The following VEGFD variants were observed in gnomAD, a reference collection of about 807,000 sequenced individuals.
The protein encoded by VEGFD is c-fos induced growth factor (vascular endothelial growth factor D).
In VEGFD, 26 loss-of-function variants were observed where a neutral mutation model predicts 28.0. The ratio of observed to expected loss-of-function variants is 0.93; its 90% CI spans 0.68 to 1.29. The LOEUF (loss-of-function observed/expected upper bound fraction) is 1.29, where lower values mean the gene tolerates loss of function less well. Among genes scored for constraint, VEGFD ranks in the 50% most tolerant of loss-of-function variants. The pLI is 0.00. For synonymous variants in VEGFD, 93 were observed against 95.5 expected, an observed-to-expected ratio of 0.97 and a Z score of 0.15; for missense variants, 294 against 273.4, an observed-to-expected ratio of 1.08 and a Z score of -0.53.
intron 1 of VEGFD, among the ~76,000 whole-genome samples, chrX:15,377,716 A>T (rs1033839906): frequency 9.0e-6 from 1 of 111,599 alleles, no homozygotes; most frequent in Non-Finnish European, 1.9e-5. Context: ...AGGGGCTGCA[A>T]CTAGAAGTAA....
intron 1 of VEGFD, among the ~76,000 whole-genome samples, chrX:15,383,627 T>A (rs1162716062): frequency 8.9e-6 from 1 of 111,801 alleles, no homozygotes; most frequent in East Asian, 2.8e-4. Context: ...CTACCATAAC[T>A]TCAAAAAACA....
chrX:15,353,075 T>C lies in VEGFD; in HGVS notation c.735A>G (p.Gly245=), dbSNP rs1485472426. The C allele has an allele frequency of 8.6e-7, 1 of 1,160,215 alleles. No homozygotes were observed. The highest frequency in any genetic ancestry group is 2.2e-5 in the Admixed American group (1 of 44,608). The change falls in exon 5 of 7, where the codon GGA becomes GGG. Residue 245 remains glycine (G), a synonymous_variant. Transcript: ENST00000297904. ...CVLQEENPLA[G]TEDHSHLQEP... ...TACTACTACTATCATTACCTTCTGT[T>C]CCAGCAAGTGGATTTTCCTCCTGCA...
chrX:15,366,925 A>G (rs1438767184), intron 1 of VEGFD, among the ~76,000 whole-genome samples: 2 of 112,382 alleles, frequency 1.8e-5, no homozygotes, highest in Non-Finnish European at 3.7e-5. Context: ...TCAATTTTAT[A>G]TTCTGTGGAC....
At chrX:15,351,071 A>T (rs1332170426) in intron 5 of VEGFD, among the ~76,000 whole-genome samples, 1 of 48,728 alleles carries the variant, frequency 2.1e-5, no homozygotes, top group African/African-American at 8.2e-5. Flanking sequence ...TTTTAGTAGT[A>T]GTAGAGATGG....
intron 5 of VEGFD, among the ~76,000 whole-genome samples, chrX:15,352,066 G>T (rs1922744697): frequency 8.9e-6 from 1 of 111,750 alleles, no homozygotes; most frequent in African/African-American, 3.3e-5. Flanking sequence ...GGTGGGAAGG[G>T]TGTAAAGAAC....
chrX:15,370,933 G>A (rs935480448), intron 1 of VEGFD, among the ~76,000 whole-genome samples: 8 of 110,261 alleles, frequency 7.3e-5, no homozygotes, highest in South Asian at 3.9e-4. Context: ...GGGACTGAGC[G>A]TGGCAGGGAT....
At chrX:15,351,933 T>C (rs1212850631) in intron 5 of VEGFD, among the ~76,000 whole-genome samples, 1 of 112,420 alleles carries the variant, frequency 8.9e-6, no homozygotes, top group Non-Finnish European at 1.9e-5. Flanking sequence ...GTCTGGTCTG[T>C]TCTGGAGAGA....
At chrX:15,365,353 G>A (rs950205518) in intron 1 of VEGFD, among the ~76,000 whole-genome samples, 1 of 111,649 alleles carries the variant, frequency 9.0e-6, no homozygotes, top group Admixed American at 9.5e-5. Flanking sequence ...GGCTGGTCTT[G>A]AACTCCTGGG....
intron 1 of VEGFD, among the ~76,000 whole-genome samples, chrX:15,381,069 T>C (rs182618246): frequency 1.5e-3 from 164 of 112,349 alleles, no homozygotes; most frequent in Admixed American, 2.5e-3. Flanking sequence ...GTATACACAG[T>C]GGATTTGAAA....
chrX:15,373,211 G>T (rs778583591), intron 1 of VEGFD, among the ~76,000 whole-genome samples: 28 of 112,203 alleles, frequency 2.5e-4, no homozygotes, highest in Middle Eastern at 4.6e-3. Flanking sequence ...AGAGGCTTTG[G>T]TTTGGGAGTA....
At chrX:15,362,931 A>G (rs1434185604) in intron 2 of VEGFD, among the ~76,000 whole-genome samples, 178 bp downstream of exon 2, 1 of 111,925 alleles carries the variant, frequency 8.9e-6, no homozygotes, top group East Asian at 2.8e-4. Flanking sequence ...TATTGAATAT[A>G]TTTCTCTGTG....
At chrX:15,353,566 C>T (rs960430522) in intron 4 of VEGFD, among the ~76,000 whole-genome samples, 2 of 110,734 alleles carry the variant, frequency 1.8e-5, no homozygotes, top group African/African-American at 6.6e-5. Flanking sequence ...ATGGAGAAAC[C>T]CCATCTCTAC....
chrX:15,358,193 A>G lies in VEGFD; in HGVS notation c.302T>C (p.Val101Ala). ...ATFYDIETLK[V>A]IDEEWQRTQC... is the part of the protein sequence containing the mutation. ...AGTTCTTTGCCATTCTTCATCTATA[A>G]CTGCAGAGAGAAAGAAAGCTCACTG... Residue 101 changes from valine (V) to alanine (A), a missense_variant and splice_region_variant, in exon 3 of 7, where the codon GTT becomes GCT. Val to Ala is a moderately conservative substitution (Grantham distance 64, BLOSUM62 0). Transcript: ENST00000297904. The G allele has an allele frequency of 8.3e-7, 1 of 1,200,650 alleles. No individual in the cohort carries two copies.
chrX:15,369,468 C>A (rs1923256265), intron 1 of VEGFD, among the ~76,000 whole-genome samples: 1 of 111,209 alleles, frequency 9.0e-6, no homozygotes, highest in Non-Finnish European at 1.9e-5. Context: ...ACTTCACACC[C>A]AGTAGAATGG....
chrX:15,355,641 C>A (rs988987330), intron 3 of VEGFD, among the ~76,000 whole-genome samples: 1 of 112,285 alleles, frequency 8.9e-6, no homozygotes, highest in African/African-American at 3.2e-5. Context: ...TTATTCATCC[C>A]TTCTCACACC....
chrX:15,372,421 G>C (rs771236192), intron 1 of VEGFD, among the ~76,000 whole-genome samples: 1 of 108,319 alleles, frequency 9.2e-6, no homozygotes, highest in East Asian at 2.8e-4. Context: ...TAAACATTTT[G>C]TGCCATTAAA....
intron 2 of VEGFD, 122 bp downstream of exon 2, chrX:15,362,987 A>G (rs6629030): frequency 0.21 from 117,914 of 569,843 alleles, 9,476 homozygotes; most frequent in East Asian, 0.39. Flanking sequence ...ACTGGAAATC[A>G]AAGACCGACT....
chrX:15,373,183 A>G (rs1923353399), intron 1 of VEGFD, among the ~76,000 whole-genome samples: 1 of 112,387 alleles, frequency 8.9e-6, no homozygotes, highest in Admixed American at 9.5e-5. Context: ...GAGAATATAA[A>G]TATACATGCC....
At chrX:15,356,744 T>C (rs1041032336) in intron 3 of VEGFD, among the ~76,000 whole-genome samples, 2 of 111,772 alleles carry the variant, frequency 1.8e-5, no homozygotes, top group Non-Finnish European at 3.8e-5. Flanking sequence ...TTAGCCCTAC[T>C]TGGGTCATTT....
Sources: gnomAD v4.1 joint callset for allele counts (sites outside exome capture counted in the v4.1 genomes callset) on GRCh38, gnomAD v4.1.1 for gene constraint, MANE v1.5 for transcripts, NCBI Gene and HGNC (gene_info 2026-07-23, HGNC 2026-07-21) for gene names.